SCHIP1: variants seen among roughly 807,000 people sequenced by gnomAD.
The protein encoded by SCHIP1 is schwannomin interacting protein 1.
In SCHIP1, 8 loss-of-function variants were observed where a neutral mutation model predicts 29.7. The observed-to-expected ratio is 0.27, with a 90% CI of 0.16 to 0.49. The LOEUF is 0.49. Ranked by LOEUF, SCHIP1 falls within the 20% of genes least tolerant of loss-of-function variation. The pLI is 0.99. For missense variants in SCHIP1, 193 were observed against 294.6 expected, an observed-to-expected ratio of 0.66 and a Z score of 2.52; for synonymous variants, 76 against 94.9, an observed-to-expected ratio of 0.80 and a Z score of 1.16.
intron 6 of SCHIP1, 113 bp from the exon 8 acceptor site, chr3:159,896,610 A>C (rs1212621866): frequency 3.9e-5 from 40 of 1,036,642 alleles, no homozygotes; most frequent in Non-Finnish European, 5.0e-5. Context: ...ATTCTAATCT[A>C]TTTCACTGTC....
chr3:159,437,203 G>A, the SCHIP1 span, among the ~76,000 whole-genome samples: 3 of 152,090 alleles, frequency 2.0e-5, no homozygotes, highest in Non-Finnish European at 1.5e-5. Context: ...ATACCTGCTA[G>A]CTGCCAGCCA....
At chr3:159,886,261 TAAG>T (rs946532952) in exon 3 of SCHIP1, 1 of 1,614,056 alleles carries the variant, frequency 6.2e-7, no homozygotes, top group African/African-American at 1.3e-5. Context: ...GTGGCAGTGA[TAAG>T]GACAGTGATG....
At chr3:159,342,092 G>A in the SCHIP1 span, among the ~76,000 whole-genome samples, 5 of 152,046 alleles carry the variant, frequency 3.3e-5, no homozygotes, top group Non-Finnish European at 7.4e-5. Context: ...GGGCAGTGTG[G>A]GTGACTGGCT....
chr3:159,497,297 A>T, the SCHIP1 span, among the ~76,000 whole-genome samples: 1 of 151,806 alleles, frequency 6.6e-6, no homozygotes, highest in African/African-American at 2.4e-5. Flanking sequence ...GTGCATGCTA[A>T]CTCCTTCATA....
the SCHIP1 span, among the ~76,000 whole-genome samples, chr3:159,329,287 G>T: frequency 2.6e-5 from 4 of 152,258 alleles, no homozygotes; most frequent in Middle Eastern, 6.8e-3. Context: ...TGAGTGAGAG[G>T]ACTGGCATCA....
chr3:159,800,045 T>C, the SCHIP1 span, among the ~76,000 whole-genome samples: 1 of 152,184 alleles, frequency 6.6e-6, no homozygotes, highest in African/African-American at 2.4e-5. Flanking sequence ...AGTGCTTTCA[T>C]TCATTCACTT....
At chr3:159,473,222 A>G in the SCHIP1 span, among the ~76,000 whole-genome samples, 3 of 152,188 alleles carry the variant, frequency 2.0e-5, no homozygotes, top group Non-Finnish European at 4.4e-5. Context: ...AGTTTTGGAA[A>G]CAGAAGAGAC....
At chr3:159,482,594 C>G in the SCHIP1 span, among the ~76,000 whole-genome samples, 1 of 152,126 alleles carries the variant, frequency 6.6e-6, no homozygotes, top group Non-Finnish European at 1.5e-5. Flanking sequence ...ATATGTATTT[C>G]TTAACCAATA....
the SCHIP1 span, among the ~76,000 whole-genome samples, chr3:159,719,722 A>C: frequency 2.3e-4 from 35 of 152,378 alleles, no homozygotes; most frequent in African/African-American, 7.9e-4. Flanking sequence ...GATCATTAAA[A>C]AGTTAGGAAA....
the SCHIP1 span, among the ~76,000 whole-genome samples, chr3:159,730,579 C>A: frequency 1.3e-5 from 2 of 152,034 alleles, no homozygotes; most frequent in African/African-American, 2.4e-5. Flanking sequence ...TTAATTATTT[C>A]ATTAGATTAA....
the SCHIP1 span, among the ~76,000 whole-genome samples, chr3:159,559,502 C>T: frequency 2.6e-5 from 4 of 152,074 alleles, no homozygotes; most frequent in Non-Finnish European, 4.4e-5. Flanking sequence ...TAACTTCCCC[C>T]GAAATACTTT....
chr3:159,505,691 G>A, the SCHIP1 span, among the ~76,000 whole-genome samples: 55 of 152,002 alleles, frequency 3.6e-4, no homozygotes, highest in African/African-American at 1.1e-3. Flanking sequence ...CTCATTGTTC[G>A]ATTCCCACCT....
At chr3:159,609,920 G>A in the SCHIP1 span, among the ~76,000 whole-genome samples, 1,860 of 152,258 alleles carry the variant, frequency 0.012, 38 homozygotes, top group African/African-American at 0.042. Context: ...TGGAAAGCAA[G>A]AATTGATGGG....
At chr3:159,410,868 C>T in the SCHIP1 span, among the ~76,000 whole-genome samples, 18 of 150,238 alleles carry the variant, frequency 1.2e-4, no homozygotes, top group African/African-American at 2.7e-4. Context: ...GATTTGAAAG[C>T]GACATAAATG....
At chr3:159,289,075 A>T in the SCHIP1 span, among the ~76,000 whole-genome samples, 1 of 152,184 alleles carries the variant, frequency 6.6e-6, no homozygotes, top group South Asian at 2.1e-4. Flanking sequence ...TATCTTCAAG[A>T]ATGTATCTTA....
the SCHIP1 span, among the ~76,000 whole-genome samples, chr3:159,827,954 A>AAAAAAC: frequency 1.3e-5 from 2 of 152,118 alleles, no homozygotes; most frequent in African/African-American, 4.8e-5. Context: ...ATGTAAAAAG[A>AAAAAAC]AAAAACAAAC....
At chr3:159,386,105 T>G in the SCHIP1 span, among the ~76,000 whole-genome samples, 1 of 152,198 alleles carries the variant, frequency 6.6e-6, no homozygotes, top group Middle Eastern at 3.2e-3. Context: ...TTGATGGGCA[T>G]CTGGGTTGGT....
chr3:159,320,896 C>T, the SCHIP1 span, among the ~76,000 whole-genome samples: 1 of 150,564 alleles, frequency 6.6e-6, no homozygotes, highest in Non-Finnish European at 1.5e-5. Context: ...GGGGGCTATG[C>T]AAATTGAGAT....
chr3:159,504,252 A>G, the SCHIP1 span, among the ~76,000 whole-genome samples: 3 of 152,184 alleles, frequency 2.0e-5, no homozygotes, highest in Non-Finnish European at 2.9e-5. Context: ...ACTGGAGATT[A>G]TAAGTGTCGT....
Sources: allele counts gnomAD v4.1 joint callset (sites outside exome capture counted in the v4.1 genomes callset), GRCh38; gene constraint gnomAD v4.1.1; transcripts MANE v1.5; gene names NCBI Gene and HGNC (gene_info 2026-07-23, HGNC 2026-07-21).